RABGAP1L: variants seen among roughly 807,000 people sequenced by gnomAD.
The protein encoded by RABGAP1L is RAB GTPase activating protein 1 like.
RABGAP1L carries 63 observed loss-of-function variants against 137.7 expected under a neutral mutation model. The observed-to-expected ratio is 0.46, with a 90% CI of 0.37 to 0.56. RABGAP1L has a LOEUF of 0.56. Ranked by LOEUF, RABGAP1L falls within the 20% of genes least tolerant of loss-of-function variation. RABGAP1L has a pLI of 0.00. For missense variants in RABGAP1L, 1,095 were observed against 1,244.0 expected, an observed-to-expected ratio of 0.88 and a Z score of 1.80; for synonymous variants, 431 against 433.7, an observed-to-expected ratio of 0.99 and a Z score of 0.08.
At chr1:174,837,328 A>G (rs1692869536) in intron 19 of RABGAP1L, among the ~76,000 whole-genome samples, 1 of 152,244 alleles carries the variant, frequency 6.6e-6, no homozygotes, top group Non-Finnish European at 1.5e-5. Context: ...GGAAATTGAA[A>G]ATATTTTTAT....
chr1:174,246,852 A>G (rs1365216201), intron 5 of RABGAP1L, among the ~76,000 whole-genome samples: 1 of 152,196 alleles, frequency 6.6e-6, no homozygotes, highest in South Asian at 2.1e-4. Context: ...TTATCTTGTT[A>G]ATTCTTGGAT....
intron 14 of RABGAP1L, among the ~76,000 whole-genome samples, chr1:174,652,304 A>G (rs1043558833): frequency 9.2e-5 from 14 of 151,922 alleles, no homozygotes; most frequent in African/African-American, 3.1e-4. Flanking sequence ...CATTCTGACA[A>G]TTATGTGTCT....
intron 13 of RABGAP1L, among the ~76,000 whole-genome samples, chr1:174,510,546 T>C (rs1662236069): frequency 6.6e-6 from 1 of 152,214 alleles, no homozygotes; most frequent in Non-Finnish European, 1.5e-5. Flanking sequence ...TTACTTCTAA[T>C]CTAATGATAC....
chr1:174,198,303 G>A lies in RABGAP1L; in HGVS notation c.-33-20822G>A, dbSNP rs77688671. On this transcript the variant is annotated intron_variant, in intron 1 of 25. Transcript: ENST00000681986. ...TCTTGTTTATAATATACAGAGAAAG[G>A]CCTTCAGGAGTTTCTTGAAGTAATA... Among the ~76,000 whole-genome samples the A allele has an allele frequency of 1.6e-3, 237 of 152,192 alleles. 1 individual carries two copies. The highest frequency in any genetic ancestry group is 0.01 in the Middle Eastern group (3 of 294).
intron 19 of RABGAP1L, among the ~76,000 whole-genome samples, chr1:174,833,337 C>T (rs991213182): frequency 3.4e-5 from 5 of 147,998 alleles, no homozygotes; most frequent in African/African-American, 1.2e-4. Flanking sequence ...GTAGCTGGGA[C>T]TACAGGCGCA....
chr1:174,676,407 ACTG>A (rs1677631128), intron 14 of RABGAP1L, among the ~76,000 whole-genome samples: 1 of 152,168 alleles, frequency 6.6e-6, no homozygotes, highest in African/African-American at 2.4e-5. Context: ...TCACTAGGTT[ACTG>A]ATTCAGTTTG....
chr1:174,931,989 G>GTTTTTTT (rs1558247691), intron 19 of RABGAP1L, among the ~76,000 whole-genome samples: 14 of 94,178 alleles, frequency 1.5e-4, no homozygotes, highest in South Asian at 6.4e-4. Flanking sequence ...CTGCTTTTTT[G>GTTTTTTT]GTTTTTTTTT....
At chr1:174,312,542 C>T (rs950702571) in intron 11 of RABGAP1L, among the ~76,000 whole-genome samples, 7 of 152,128 alleles carry the variant, frequency 4.6e-5, no homozygotes, top group Non-Finnish European at 7.4e-5. Flanking sequence ...TTTCTCCCAT[C>T]CTGTGAGTTA....
rs1172605270 is a variant in RABGAP1L, at chr1:174,913,868, CAAAAG to C, written c.2341-43585_2341-43581del. 2.6e-5 allele frequency among the ~76,000 whole-genome samples: 4 copies of C among 152,064 alleles called. No homozygotes were observed. The East Asian group carries it at 7.7e-4, about 29-fold the overall frequency. The stretch of plus-strand genomic sequence containing the variant: ...GTTTCAGAAAATAGATCTTAACACT[CAAAAG>C]AAACAAATTCTAAAACTTTAATAAC... On this transcript the variant is annotated intron_variant, in intron 19 of 25. Coordinates refer to ENST00000681986, the MANE Select transcript of RABGAP1L (RefSeq NM_001366446.1).
At chr1:174,535,818 A>G (rs1664846585) in intron 13 of RABGAP1L, among the ~76,000 whole-genome samples, 1 of 152,214 alleles carries the variant, frequency 6.6e-6, no homozygotes. Context: ...ATTAAAATAG[A>G]AAACTCAAAA....
At chr1:174,280,661 A>G (rs945920758) in intron 10 of RABGAP1L, among the ~76,000 whole-genome samples, 2 of 152,214 alleles carry the variant, frequency 1.3e-5, no homozygotes, top group Non-Finnish European at 2.9e-5. Flanking sequence ...ATGGCATTTC[A>G]TTTCATTCAT....
intron 13 of RABGAP1L, among the ~76,000 whole-genome samples, chr1:174,582,789 G>A (rs907201725): frequency 6.6e-6 from 1 of 152,116 alleles, no homozygotes; most frequent in Non-Finnish European, 1.5e-5. Flanking sequence ...AGACAAACTT[G>A]TTTTCCCTAA....
At chr1:174,624,928 T>C (rs1672831012) in intron 13 of RABGAP1L, among the ~76,000 whole-genome samples, 1 of 150,886 alleles carries the variant, frequency 6.6e-6, no homozygotes, top group South Asian at 2.1e-4. Flanking sequence ...TGGAGTGCAG[T>C]GGCGCAGTCT....
At chr1:174,600,539 C>A (rs1670329774) in intron 13 of RABGAP1L, among the ~76,000 whole-genome samples, 1 of 152,120 alleles carries the variant, frequency 6.6e-6, no homozygotes, top group Admixed American at 6.5e-5. Flanking sequence ...TAAATACATC[C>A]TTTCCAAATG....
intron 13 of RABGAP1L, among the ~76,000 whole-genome samples, chr1:174,476,083 T>G (rs906421695): frequency 6.6e-6 from 1 of 151,940 alleles, no homozygotes; most frequent in African/African-American, 2.4e-5. Context: ...AAGGTGAGAG[T>G]TAATTCTTAC....
chr1:174,361,074 A>G (rs1440158078), intron 11 of RABGAP1L, among the ~76,000 whole-genome samples: 2 of 151,934 alleles, frequency 1.3e-5, no homozygotes, highest in African/African-American at 4.8e-5. Context: ...GGAGAATGGC[A>G]TGAACCCGGG....
At chr1:174,238,133 G>A (rs370587618) in intron 4 of RABGAP1L, among the ~76,000 whole-genome samples, 190 of 152,114 alleles carry the variant, frequency 1.2e-3, no homozygotes, top group African/African-American at 3.3e-3. Flanking sequence ...AGCTCCTTTA[G>A]GCACTTCTCT....
At chr1:174,756,482 A>G (rs1487506550) in intron 18 of RABGAP1L, among the ~76,000 whole-genome samples, 1 of 151,832 alleles carries the variant, frequency 6.6e-6, no homozygotes, top group Non-Finnish European at 1.5e-5. Context: ...TTTTTTTGAA[A>G]GCCACTGACT....
intron 1 of RABGAP1L, among the ~76,000 whole-genome samples, chr1:174,185,318 G>A (rs1666715603): frequency 6.6e-6 from 1 of 152,188 alleles, no homozygotes; most frequent in African/African-American, 2.4e-5. Context: ...CAACTGAGGT[G>A]GAGAAAAGTG....
Sources: gnomAD v4.1 joint callset for allele counts (sites outside exome capture counted in the v4.1 genomes callset) on GRCh38, gnomAD v4.1.1 for gene constraint, MANE v1.5 for transcripts, NCBI Gene and HGNC (gene_info 2026-07-23, HGNC 2026-07-21) for gene names.